Variants in CDC42 observed in about 807,000 individuals in gnomAD.
CDC42 encodes cell division cycle 42.
In CDC42, 1 loss-of-function variant was observed where a neutral mutation model predicts 20.8. That is an observed-to-expected ratio of 0.05 (90% CI 0.02 to 0.23). The LOEUF is 0.23. Among genes scored for constraint, CDC42 ranks in the 10% least tolerant of loss-of-function variants. CDC42 has a pLI of 1.00. For missense variants in CDC42, 49 were observed against 227.9 expected (o/e 0.21, Z 5.05); for synonymous variants, 72 against 84.8 (o/e 0.85, Z 0.83).
intron 1 of CDC42, among the ~76,000 whole-genome samples, chr1:22,070,081 C>G (rs1047223671): frequency 6.6e-6 from 1 of 152,128 alleles, no homozygotes; most frequent in Non-Finnish European, 1.5e-5. Flanking sequence ...AGCCACTGTG[C>G]CCAGCCTCTG....
chr1:22,083,508 G>A (rs1645629458), intron 3 of CDC42, among the ~76,000 whole-genome samples: 1 of 151,928 alleles, frequency 6.6e-6, no homozygotes, highest in South Asian at 2.1e-4. Flanking sequence ...GGGAGGCTGA[G>A]ACAGGAAAAT....
At chr1:22,091,021 CGT>C (rs1226250657) in intron 5 of CDC42, among the ~76,000 whole-genome samples, 2 of 152,200 alleles carry the variant, frequency 1.3e-5, no homozygotes, top group Non-Finnish European at 2.9e-5. Context: ...GACCCGTGCC[CGT>C]CCTCTCAGTC....
chr1:22,082,597 A>G (rs1251212365), intron 3 of CDC42, among the ~76,000 whole-genome samples: 2 of 152,200 alleles, frequency 1.3e-5, no homozygotes, highest in Non-Finnish European at 2.9e-5. Flanking sequence ...GAATGTAGGA[A>G]TTCTAAACTT....
chr1:22,068,131 T>C (rs1335709853), intron 1 of CDC42, among the ~76,000 whole-genome samples: 1 of 152,156 alleles, frequency 6.6e-6, no homozygotes, highest in Admixed American at 6.6e-5. Flanking sequence ...GATCAAGGGC[T>C]AAAAATCCAC....
chr1:22,070,486 C>T (rs1645474595), intron 1 of CDC42, among the ~76,000 whole-genome samples: 1 of 106,846 alleles, frequency 9.4e-6, no homozygotes, highest in Admixed American at 1.4e-4. Flanking sequence ...TTTTTTGAGA[C>T]AGAGTCTCGC....
At chr1:22,066,429 G>C (rs1429163894) in intron 1 of CDC42, among the ~76,000 whole-genome samples, 1 of 152,078 alleles carries the variant, frequency 6.6e-6, no homozygotes, top group Non-Finnish European at 1.5e-5. Flanking sequence ...AAATAACATG[G>C]TTAATTACTC....
rs1645697600 is a variant in CDC42, at chr1:22,089,816, A to G, written c.487-1612A>G. 5.7e-6 allele frequency: 5 copies of G among 883,366 alleles called. No homozygotes were observed. In the South Asian group the frequency reaches 1.1e-4, roughly 19 times the overall value. The allele number at this position is 883,366 out of a possible 1,614,324, so 54.7% of individuals were successfully genotyped here. A position where few individuals can be genotyped will look rare whatever the true frequency, so the allele number is the denominator to read the frequency against. ...TAATGGGCTTAAGATCTAGCATTCT[A>G]GCGTTTTTCTTAAGGCACATTGCTT... is the stretch of plus-strand genomic sequence containing the variant. On this transcript the variant is annotated intron_variant, in intron 5 of 5. Transcript: ENST00000656825.
intron 3 of CDC42, among the ~76,000 whole-genome samples, chr1:22,082,388 A>G (rs1203437117): frequency 1.3e-5 from 2 of 152,234 alleles, no homozygotes; most frequent in Non-Finnish European, 2.9e-5. Flanking sequence ...ATCTGCTCAC[A>G]GTATTGACAT....
At position 22,099,987 on chromosome 1, in the gene CDC42, G is replaced by A. The variant is rs1645779882; in HGVS notation, c.*8470G>A. Among the ~76,000 whole-genome samples the A allele has an allele frequency of 6.6e-6, 1 of 151,070 alleles. No individual in the cohort carries two copies. On this transcript the variant is annotated 3_prime_UTR_variant, in exon 6 of 6. Coordinates refer to ENST00000656825, the MANE Select transcript of CDC42 (RefSeq NM_001791.4). ...TGAATTTAAGCAGTCTGTCTCTAGA[G>A]TCTGCTCAGCTGGCCTTTTTTTCTT...
rs144162382 is a variant in CDC42, at chr1:22,086,954, A to T, written c.486+88A>T. ...ACAGGAGTTATTTCTAACAGTGATC[A>T]GCAGTGCTCAAAGATGCCCAGCAAG... is the stretch of plus-strand genomic sequence containing the variant. On this transcript the variant is annotated intron_variant, in intron 5 of 5. Transcript: ENST00000656825. 2.5e-5 allele frequency: 27 copies of T among 1,092,294 alleles called. No individual in the cohort carries two copies. The African/African-American group carries it at 3.7e-4, about 15-fold the overall frequency. The allele number at this position is 1,092,294 out of a possible 1,614,324, so 67.7% of individuals were successfully genotyped here.
Position 22,099,365 on chromosome 1 carries a change from C to T in CDC42, c.*7848C>T, listed in dbSNP as rs757563000. Among the ~76,000 whole-genome samples the T allele has an allele frequency of 3.9e-5, 6 of 152,214 alleles. No homozygotes were observed. Among genetic ancestry groups the T allele is most frequent in the Non-Finnish European group, 7.3e-5 (5 of 68,044 alleles). On this transcript the variant is annotated 3_prime_UTR_variant, in exon 6 of 6. Transcript: ENST00000656825. ...GCACATGGTGTTATCACACTTGCTA[C>T]TCACAACAGCTCTGAGGTTGATAGT...
chr1:22,086,120 A>G (rs1311451170), intron 3 of CDC42, among the ~76,000 whole-genome samples: 1 of 152,226 alleles, frequency 6.6e-6, no homozygotes, highest in Admixed American at 6.5e-5. Context: ...TGCTGGGATT[A>G]CAAGGATTGA....
rs1410199954 is a variant in CDC42, at chr1:22,092,375, T to G, written c.*858T>G. On this transcript the variant is annotated 3_prime_UTR_variant, in exon 6 of 6. Coordinates refer to ENST00000656825, the MANE Select transcript of CDC42 (RefSeq NM_001791.4). ...TATTGCACCTTTGAAATGCACCAAATGAATTGAGTTTGTAATTAAAAAAAT... is the reference window on the plus strand; with the variant it reads ...TATTGCACCTTTGAAATGCACCAAAGGAATTGAGTTTGTAATTAAAAAAAT... The G allele has an allele frequency of 4.6e-5, 7 of 152,650 alleles. No individual in the cohort carries two copies. The highest frequency in any genetic ancestry group is 1.0e-4 in the Non-Finnish European group (7 of 68,030). The allele number at this position is 152,650 out of a possible 1,614,324, so 9.5% of individuals were successfully genotyped here.
At chr1:22,061,980 C>G (rs1291058696) in intron 1 of CDC42, among the ~76,000 whole-genome samples, 1 of 151,942 alleles carries the variant, frequency 6.6e-6, no homozygotes, top group Non-Finnish European at 1.5e-5. Flanking sequence ...ACTCTGTCAC[C>G]CAGGCTGGAG....
chr1:22,061,411 G>GA (rs150165231), intron 1 of CDC42, among the ~76,000 whole-genome samples: 15 of 136,390 alleles, frequency 1.1e-4, no homozygotes, highest in Admixed American at 2.2e-4. Flanking sequence ...TCTGTCTCAG[G>GA]AAAAAAAAAA....
intron 1 of CDC42, among the ~76,000 whole-genome samples, chr1:22,067,112 A>C (rs1645433009): frequency 6.6e-6 from 1 of 152,092 alleles, no homozygotes; most frequent in Non-Finnish European, 1.5e-5. Context: ...AGGGGAACGG[A>C]GCATGAGAAG....
intron 1 of CDC42, among the ~76,000 whole-genome samples, chr1:22,057,604 C>G (rs10917135): frequency 0.95 from 143,911 of 152,170 alleles, 68,140 homozygotes; most frequent in East Asian, 1. Flanking sequence ...GGCTGGTCTC[C>G]AACTCCTGAC....
intron 2 of CDC42, among the ~76,000 whole-genome samples, chr1:22,079,983 C>A (rs986545716): frequency 2.0e-5 from 3 of 152,072 alleles, no homozygotes; most frequent in African/African-American, 7.2e-5. Context: ...CCATGAGGCA[C>A]AAGTAATGTT....
chr1:22,073,871 A>G (rs1570002758), intron 1 of CDC42, among the ~76,000 whole-genome samples: 1 of 151,580 alleles, frequency 6.6e-6, no homozygotes, highest in South Asian at 2.1e-4. Context: ...GGCTGGTCCC[A>G]AACTCCTGGG....
Sources: allele counts gnomAD v4.1 joint callset (sites outside exome capture counted in the v4.1 genomes callset), GRCh38; gene constraint gnomAD v4.1.1; transcripts MANE v1.5; gene names NCBI Gene and HGNC (gene_info 2026-07-23, HGNC 2026-07-21).